Variants in SNX31 observed in about 807,000 individuals in gnomAD.
The protein encoded by SNX31 is sorting nexin-31.
Under a neutral mutation model 65.4 loss-of-function variants are expected in SNX31, and 58 were observed. That is an observed-to-expected ratio of 0.89 (90% CI 0.72 to 1.10). SNX31 has a LOEUF of 1.10. Ranked by LOEUF, SNX31 falls within the 50% of genes least tolerant of loss-of-function variation. SNX31 has a pLI of 0.00. For synonymous variants in SNX31, 181 were observed against 190.1 expected, an observed-to-expected ratio of 0.95 and a Z score of 0.39; for missense variants, 523 against 529.7, an observed-to-expected ratio of 0.99 and a Z score of 0.12.
rs1817861294 is a variant in SNX31, at chr8:100,623,790, C to G, written c.322-6060G>C. Among the ~76,000 whole-genome samples, 3 of 152,146 alleles carry G rather than the reference C, an allele frequency of 2.0e-5. No homozygotes were observed. The South Asian group carries it at 6.2e-4, about 32-fold the overall frequency. ...TTCTCTACCGGCTCCTACTCACCAG[C>G]AGCAAACTTATTCAAGTCTCTGTCA... On this transcript the variant is annotated intron_variant, in intron 4 of 13. Transcript: ENST00000311812.
chr8:100,581,176 G>C (rs1020184413), intron 12 of SNX31, among the ~76,000 whole-genome samples: 4 of 151,342 alleles, frequency 2.6e-5, no homozygotes, highest in Admixed American at 2.6e-4. Flanking sequence ...GCACATGCCA[G>C]TGGTCCCAGC....
At chr8:100,586,811 A>G (rs1814089266) in intron 11 of SNX31, among the ~76,000 whole-genome samples, 1 of 152,216 alleles carries the variant, frequency 6.6e-6, no homozygotes, top group South Asian at 2.1e-4. Context: ...ACTTAGCCTG[A>G]TCACCAGAGA....
Position 100,649,271 on chromosome 8 carries a change from C to G in SNX31, c.141+3G>C. On this transcript the variant is annotated splice_donor_region_variant and intron_variant, in intron 2 of 13. Transcript: ENST00000311812. The stretch of plus-strand genomic sequence containing the variant: ...GGCTCGTACCCGCCTCCAATCTGCT[C>G]ACCTGTTCGTTCCAACCGTGCAGCT... 6.2e-7 allele frequency: 1 copy of G among 1,614,026 alleles called. No individual in the cohort carries two copies. Among genetic ancestry groups the G allele is most frequent in the Non-Finnish European group, 8.5e-7 (1 of 1,179,902 alleles).
chr8:100,652,724 C>T (rs1427814819), upstream of SNX31, among the ~76,000 whole-genome samples: 1 of 152,102 alleles, frequency 6.6e-6, no homozygotes, highest in Non-Finnish European at 1.5e-5. Context: ...ATGGCTCTGT[C>T]TTGTTCTGGA....
At chr8:100,641,565 A>AAAAAAAAAAAAT (rs1554587369) in intron 2 of SNX31, among the ~76,000 whole-genome samples, 7 of 32,108 alleles carry the variant, frequency 2.2e-4, no homozygotes, top group African/African-American at 5.4e-4. Context: ...AAAAAAAAAA[A>AAAAAAAAAAAAT]ATATATATAT....
intron 4 of SNX31, among the ~76,000 whole-genome samples, chr8:100,628,033 C>T (rs1054684792): frequency 3.9e-5 from 6 of 152,176 alleles, no homozygotes; most frequent in Non-Finnish European, 5.9e-5. Flanking sequence ...ATCAAAACCA[C>T]AAAGAGATAC....
rs369660775 is a variant in SNX31, at chr8:100,585,439, G to A, written c.1093-1251C>T. On this transcript the variant is annotated intron_variant, in intron 11 of 13. Transcript: ENST00000311812. ...GTGAGAGAAAGCACAGGCTGGGGTGGTAGCCAAGTAGGAAGTTCTTGGAGG... is the reference window on the plus strand; with the variant it reads ...GTGAGAGAAAGCACAGGCTGGGGTGATAGCCAAGTAGGAAGTTCTTGGAGG... 5.5e-4 allele frequency among the ~76,000 whole-genome samples: 83 copies of A among 152,278 alleles called. 1 individual carries two copies. The highest frequency in any genetic ancestry group is 1.9e-3 in the African/African-American group (80 of 41,552).
chr8:100,608,796 A>G (rs1370400969), intron 7 of SNX31, among the ~76,000 whole-genome samples: 1 of 152,200 alleles, frequency 6.6e-6, no homozygotes, highest in African/African-American at 2.4e-5. Flanking sequence ...AGGCACAAAA[A>G]TAAAGCTTTA....
intron 2 of SNX31, among the ~76,000 whole-genome samples, chr8:100,647,869 G>A (rs1219034514): frequency 6.6e-6 from 1 of 152,140 alleles, no homozygotes; most frequent in Non-Finnish European, 1.5e-5. Context: ...TGAGATCCCT[G>A]CCTCTGCAGT....
At chr8:100,652,185 A>G (rs1046286517), upstream of SNX31, among the ~76,000 whole-genome samples, 2 of 151,962 alleles carry the variant, frequency 1.3e-5, no homozygotes, top group African/African-American at 4.8e-5. Flanking sequence ...TCACCGTGTT[A>G]GCCAGGATGG....
upstream of SNX31, among the ~76,000 whole-genome samples, chr8:100,651,904 C>T (rs1253542628): frequency 6.6e-6 from 1 of 152,200 alleles, no homozygotes; most frequent in Non-Finnish European, 1.5e-5. Context: ...AGAGCCTGTG[C>T]TCTGTGAAGC....
At chr8:100,621,826 C>T (rs533564271) in intron 4 of SNX31, among the ~76,000 whole-genome samples, 1 of 152,356 alleles carries the variant, frequency 6.6e-6, no homozygotes, top group South Asian at 2.1e-4. Context: ...TCCTTTCCTC[C>T]TCCTGTCTGG....
At chr8:100,607,294 C>G (rs371685652) in intron 8 of SNX31, among the ~76,000 whole-genome samples, 5 of 152,242 alleles carry the variant, frequency 3.3e-5, no homozygotes, top group East Asian at 3.9e-4. Context: ...ATCAGGTCTC[C>G]GAAGATGGCG....
In SNX31 at chr8:100,625,752, C is replaced by T. The variant is rs1177107426; in HGVS notation, c.321+4575G>A. Among the ~76,000 whole-genome samples, 1 of 152,144 alleles carries T rather than the reference C, an allele frequency of 6.6e-6. No individual in the cohort carries two copies. The highest frequency in any genetic ancestry group is 1.5e-5 in the Non-Finnish European group (1 of 68,026). ...AGAACTCAAGCAACGCATAAGCTGCCTCAAAGCAGTTAATCACATGGTGCT... is the reference window on the plus strand; with the variant it reads ...AGAACTCAAGCAACGCATAAGCTGCTTCAAAGCAGTTAATCACATGGTGCT... On this transcript the variant is annotated intron_variant, in intron 4 of 13. Coordinates refer to ENST00000311812, the MANE Select transcript of SNX31 (RefSeq NM_152628.4). The surrounding 1 kb of genome is among the most constrained non-coding windows in gnomAD (Gnocchi z 4.2).
chr8:100,635,770 G>A, intron 3 of SNX31, 127 bp downstream of exon 3: 2 of 628,706 alleles, frequency 3.2e-6, no homozygotes, highest in Non-Finnish European at 2.7e-6. Context: ...TTAGATTACG[G>A]TAATGGTCGC....
chr8:100,646,331 A>G (rs1440939963), intron 2 of SNX31, among the ~76,000 whole-genome samples: 2 of 152,224 alleles, frequency 1.3e-5, no homozygotes, highest in African/African-American at 4.8e-5. Flanking sequence ...GGTCACGGGA[A>G]GAAGAGGAGA....
Position 100,612,650 on chromosome 8 carries a change from G to A in SNX31, c.523+345C>T, listed in dbSNP as rs1816814293. Among the ~76,000 whole-genome samples the A allele has an allele frequency of 6.6e-6, 1 of 152,274 alleles. No individual in the cohort carries two copies. The highest frequency in any genetic ancestry group is 2.1e-4 in the South Asian group (1 of 4,828). ...TAACAAGGAGAAATGATGCTGTGGT[G>A]GGGCGTCCTGACCCCTGGAGTCTAG... On this transcript the variant is annotated intron_variant, in intron 6 of 13. Transcript: ENST00000311812. The surrounding 1 kb of genome is among the most constrained non-coding windows in gnomAD (Gnocchi z 4.3).
chr8:100,615,763 A>G (rs1020187124), intron 5 of SNX31, among the ~76,000 whole-genome samples: 2 of 152,026 alleles, frequency 1.3e-5, no homozygotes, highest in Admixed American at 6.6e-5. Flanking sequence ...AAACATATCT[A>G]TTGTTATTAT....
intron 12 of SNX31, among the ~76,000 whole-genome samples, chr8:100,579,565 T>C (rs767854425): frequency 3.3e-5 from 5 of 152,174 alleles, no homozygotes; most frequent in Non-Finnish European, 7.4e-5. Context: ...AGGCTAACAT[T>C]CCTCAGATAT....
Sources: allele counts gnomAD v4.1 joint callset (sites outside exome capture counted in the v4.1 genomes callset), GRCh38; gene constraint gnomAD v4.1.1; non-coding constraint Gnocchi (gnomAD v3.1); transcripts MANE v1.5; gene names NCBI Gene and HGNC (gene_info 2026-07-23, HGNC 2026-07-21).